Variants in GRIK4 observed in about 807,000 individuals in gnomAD.
GRIK4 encodes the protein glutamate ionotropic receptor kainate type subunit 4, also known as glutamate receptor ionotropic, kainate 4.
Under a neutral mutation model 104.9 loss-of-function variants are expected in GRIK4, and 40 were observed. The ratio of observed to expected loss-of-function variants is 0.38; its 90% confidence interval spans 0.30 to 0.50. The LOEUF (loss-of-function observed/expected upper bound fraction) is 0.50, where lower values mean the gene tolerates loss of function less well. GRIK4 is among the 20% of genes least tolerant of loss of function. The probability of loss-of-function intolerance (pLI) is 0.93; values close to 1 mark genes in which losing one functional copy is unlikely to be tolerated. For missense variants in GRIK4, 1,047 were observed against 1,308.1 expected, an observed-to-expected ratio of 0.80 and a Z score of 3.08; for synonymous variants, 485 against 524.9, an observed-to-expected ratio of 0.92 and a Z score of 1.04.
At chr11:120,832,477 C>T (rs927496593) in intron 7 of GRIK4, among the ~76,000 whole-genome samples, 2 of 152,216 alleles carry the variant, frequency 1.3e-5, no homozygotes, top group African/African-American at 2.4e-5. Flanking sequence ...CGGTGCACAA[C>T]AGTTACACAG....
chr11:120,667,454 C>T (rs1430976167), intron 3 of GRIK4, among the ~76,000 whole-genome samples: 5 of 152,244 alleles, frequency 3.3e-5, no homozygotes, highest in Admixed American at 6.5e-5. Context: ...CCTGCGTGGG[C>T]GGGACGCGTG....
intron 1 of GRIK4, chr11:120,620,207 A>G (rs1380927526): frequency 3.8e-5 from 30 of 789,606 alleles, no homozygotes; most frequent in East Asian, 2.9e-4. Flanking sequence ...GATGATATCA[A>G]TTTGACATAC....
intron 3 of GRIK4, among the ~76,000 whole-genome samples, chr11:120,711,750 C>A (rs896784934): frequency 1.3e-5 from 2 of 152,226 alleles, no homozygotes; most frequent in African/African-American, 4.8e-5. Flanking sequence ...TACCCTGAAC[C>A]TGCAGAAGGC....
chr11:120,561,557 G>A (rs117946677), intron 1 of GRIK4, among the ~76,000 whole-genome samples: 1,565 of 152,324 alleles, frequency 0.01, 19 homozygotes, highest in East Asian at 0.065. Context: ...GCATACCCCC[G>A]CTCCAGCAAT....
chr11:120,955,450 G>A (rs76068081), intron 15 of GRIK4, among the ~76,000 whole-genome samples: 6 of 152,346 alleles, frequency 3.9e-5, no homozygotes, highest in East Asian at 3.9e-4. Context: ...AGATAACACC[G>A]AGCACACAGC....
chr11:120,678,080 G>C (rs1174362578), intron 3 of GRIK4, among the ~76,000 whole-genome samples: 1 of 152,172 alleles, frequency 6.6e-6, no homozygotes, highest in African/African-American at 2.4e-5. Flanking sequence ...ACTCCTCCCT[G>C]CTGTGCTCCC....
intron 3 of GRIK4, among the ~76,000 whole-genome samples, chr11:120,758,221 C>A (rs1353588079): frequency 1.3e-5 from 2 of 152,158 alleles, no homozygotes; most frequent in African/African-American, 4.8e-5. Context: ...TGTACCCATC[C>A]TGAGGACCTG....
chr11:120,738,106 A>G (rs1238718275), intron 3 of GRIK4, among the ~76,000 whole-genome samples: 3 of 152,180 alleles, frequency 2.0e-5, no homozygotes, highest in Non-Finnish European at 4.4e-5. Context: ...GGGAGCCGCC[A>G]CGGAGGCAAG....
intron 1 of GRIK4, among the ~76,000 whole-genome samples, chr11:120,579,324 C>A (rs1948534055): frequency 6.6e-6 from 1 of 152,000 alleles, no homozygotes; most frequent in African/African-American, 2.4e-5. Context: ...TTATATCAGC[C>A]CCTTTCAGAA....
chr11:120,773,551 G>A (rs1349913776), intron 3 of GRIK4, among the ~76,000 whole-genome samples: 2 of 152,234 alleles, frequency 1.3e-5, no homozygotes, highest in Non-Finnish European at 2.9e-5. Context: ...GGAAGTGGGG[G>A]TGTTGCTCCT....
At chr11:120,625,264 T>G (rs1201147567) in intron 1 of GRIK4, among the ~76,000 whole-genome samples, 1 of 151,996 alleles carries the variant, frequency 6.6e-6, no homozygotes, top group Non-Finnish European at 1.5e-5. Flanking sequence ...ACAGAGTGAC[T>G]TAAGTTTCCT....
intron 3 of GRIK4, among the ~76,000 whole-genome samples, chr11:120,689,039 A>G (rs368068780): frequency 6.6e-6 from 1 of 152,126 alleles, no homozygotes; most frequent in East Asian, 1.9e-4. Context: ...ATCAATAACA[A>G]TAGTCCTAGG....
At chr11:120,849,072 C>T (rs1665187951) in intron 8 of GRIK4, among the ~76,000 whole-genome samples, 1 of 152,098 alleles carries the variant, frequency 6.6e-6, no homozygotes, top group Non-Finnish European at 1.5e-5. Flanking sequence ...AGATAAGTCC[C>T]ACGGGGCTCC....
At position 120,547,488 on chromosome 11, in the gene GRIK4, G is replaced by A. The variant is rs184314468; in HGVS notation, c.-159+35601G>A. ...GCTCACACAGGCATAAAATCTCACC[G>A]ACACCTTCAAGGCAGCAGTCAGATA... On this transcript the variant is annotated intron_variant, in intron 1 of 20. Coordinates refer to ENST00000527524, the MANE Select transcript of GRIK4 (RefSeq NM_014619.5). 5.0e-3 allele frequency among the ~76,000 whole-genome samples: 763 copies of A among 152,240 alleles called. 5 individuals carry two copies. The highest frequency in any genetic ancestry group is 8.4e-3 in the Non-Finnish European group (573 of 68,022).
chr11:120,798,762 G>C (rs1055338496), intron 3 of GRIK4, among the ~76,000 whole-genome samples: 4 of 152,210 alleles, frequency 2.6e-5, no homozygotes, highest in Non-Finnish European at 4.4e-5. Flanking sequence ...GATTACAGGC[G>C]TGAGGCACTG....
intron 3 of GRIK4, among the ~76,000 whole-genome samples, chr11:120,685,727 G>A (rs1950265095): frequency 6.6e-6 from 1 of 152,160 alleles, no homozygotes; most frequent in Admixed American, 6.5e-5. Flanking sequence ...AGCAGTTGCA[G>A]TTCTGAAGCT....
intron 1 of GRIK4, among the ~76,000 whole-genome samples, chr11:120,614,777 A>G (rs910316218): frequency 2.0e-5 from 3 of 152,200 alleles, no homozygotes; most frequent in Admixed American, 2.0e-4. Flanking sequence ...AGGCGGGTGG[A>G]TCATGAGGTC....
chr11:120,742,516 T>C (rs1951352325), intron 3 of GRIK4, among the ~76,000 whole-genome samples: 1 of 65,574 alleles, frequency 1.5e-5, no homozygotes, highest in South Asian at 5.6e-4. Context: ...TTATTATTAT[T>C]ATTATTATTA....
intron 3 of GRIK4, among the ~76,000 whole-genome samples, chr11:120,713,669 G>A (rs1043418398): frequency 1.3e-5 from 2 of 152,208 alleles, no homozygotes; most frequent in African/African-American, 4.8e-5. Flanking sequence ...GACAAGTGGG[G>A]CTGGAACTGG....
Sources: allele counts gnomAD v4.1 joint callset (sites outside exome capture counted in the v4.1 genomes callset), GRCh38; gene constraint gnomAD v4.1.1; transcripts MANE v1.5; gene names NCBI Gene and HGNC (gene_info 2026-07-23, HGNC 2026-07-21).